Variants in UBE3D observed in about 807,000 individuals in gnomAD.
UBE3D encodes the protein ubiquitin protein ligase E3D.
Under a neutral mutation model 49.6 loss-of-function variants are expected in UBE3D, and 48 were observed. The observed-to-expected ratio is 0.97, with a 90% CI of 0.77 to 1.23. UBE3D has a LOEUF of 1.23. UBE3D is among the 50% of genes most tolerant of loss of function. The pLI is 0.00. For missense variants in UBE3D, 452 were observed against 468.4 expected, an observed-to-expected ratio of 0.96 and a Z score of 0.32; for synonymous variants, 189 against 174.2, an observed-to-expected ratio of 1.08 and a Z score of -0.67.
chr6:83,046,626 T>C (rs1453731180), intron 3 of UBE3D, among the ~76,000 whole-genome samples: 1 of 127,850 alleles, frequency 7.8e-6, no homozygotes, highest in Non-Finnish European at 1.6e-5. Flanking sequence ...AAGCACATGT[T>C]ATAAATGCTG....
chr6:83,002,663 C>T (rs570259874), intron 8 of UBE3D, among the ~76,000 whole-genome samples: 9 of 152,338 alleles, frequency 5.9e-5, no homozygotes, highest in East Asian at 3.9e-4. Flanking sequence ...CCAGCCTGGG[C>T]GACAGAGTGA....
At chr6:82,981,572 A>AT (rs1253363520) in intron 8 of UBE3D, among the ~76,000 whole-genome samples, 2 of 151,846 alleles carry the variant, frequency 1.3e-5, no homozygotes, top group African/African-American at 2.4e-5. Context: ...AAAAAAAAAA[A>AT]TTTAAATTTA....
At chr6:82,954,098 A>C (rs1775992021) in intron 9 of UBE3D, among the ~76,000 whole-genome samples, 1 of 152,222 alleles carries the variant, frequency 6.6e-6, no homozygotes, top group Admixed American at 6.5e-5. Context: ...AGGCAGGGCC[A>C]AGATGTTCCC....
chr6:82,892,027 G>A (rs572220853), downstream of UBE3D, among the ~76,000 whole-genome samples: 4 of 150,312 alleles, frequency 2.7e-5, no homozygotes, highest in Middle Eastern at 3.2e-3. Context: ...AAAAAAAAAA[G>A]TGTTAGAAAA....
intron 8 of UBE3D, among the ~76,000 whole-genome samples, chr6:82,980,704 T>C (rs1778056589): frequency 6.6e-6 from 1 of 152,106 alleles, no homozygotes; most frequent in South Asian, 2.1e-4. Context: ...TTTATAGTTT[T>C]AGGTCTTACA....
intron 8 of UBE3D, among the ~76,000 whole-genome samples, chr6:83,008,474 T>A (rs1227391550): frequency 6.6e-6 from 1 of 152,136 alleles, no homozygotes; most frequent in Non-Finnish European, 1.5e-5. Context: ...CTCACCAAGA[T>A]GTGAAACGCT....
chr6:82,913,784 C>T (rs1333717643), intron 9 of UBE3D, among the ~76,000 whole-genome samples: 1 of 152,192 alleles, frequency 6.6e-6, no homozygotes, highest in African/African-American at 2.4e-5. Flanking sequence ...ATGATTCAAA[C>T]TTAACAGCAG....
At chr6:83,027,458 A>AAAAAAAAAAAAAAAAAAAAAC (rs571635643) in intron 5 of UBE3D, among the ~76,000 whole-genome samples, 1 of 147,466 alleles carries the variant, frequency 6.8e-6, no homozygotes, top group Non-Finnish European at 1.5e-5. Context: ...AAAAAAAAAA[A>AAAAAAAAAAAAAAAAAAAAAC]AAAGAAACCA....
chr6:82,994,004 C>T (rs1345946841), intron 8 of UBE3D, among the ~76,000 whole-genome samples: 2 of 152,126 alleles, frequency 1.3e-5, no homozygotes, highest in Non-Finnish European at 1.5e-5. Context: ...AGTAAAGGTA[C>T]TATTTGAAAT....
intron 9 of UBE3D, among the ~76,000 whole-genome samples, chr6:82,905,812 C>T (rs1433345909): frequency 6.6e-6 from 1 of 152,086 alleles, no homozygotes; most frequent in Non-Finnish European, 1.5e-5. Flanking sequence ...CTGTAGTGTA[C>T]TTAACTGGTT....
intron 8 of UBE3D, among the ~76,000 whole-genome samples, chr6:82,962,814 C>T (rs186488549): frequency 6.6e-6 from 1 of 152,042 alleles, no homozygotes; most frequent in Admixed American, 6.6e-5. Context: ...TTAATTCCAC[C>T]CAAAGAGATT....
intron 8 of UBE3D, among the ~76,000 whole-genome samples, chr6:83,015,227 C>G (rs1780617656): frequency 6.6e-6 from 1 of 152,176 alleles, no homozygotes; most frequent in African/African-American, 2.4e-5. Context: ...CTTCACAAAG[C>G]ATTGGTCAAG....
At chr6:82,952,526 G>T (rs1180926326) in intron 9 of UBE3D, among the ~76,000 whole-genome samples, 1 of 152,014 alleles carries the variant, frequency 6.6e-6, no homozygotes, top group East Asian at 1.9e-4. Context: ...CAGGGCTCAA[G>T]CAATCCTCCT....
chr6:83,049,052 A>G (rs1160571386), intron 3 of UBE3D, among the ~76,000 whole-genome samples: 1 of 152,202 alleles, frequency 6.6e-6, no homozygotes, highest in Admixed American at 6.5e-5. Context: ...ATGAGCATAA[A>G]CTTTTAGAAA....
At chr6:83,054,285 A>T in intron 2 of UBE3D, 47 bp from the exon 3 acceptor site, 1 of 1,418,854 alleles carries the variant, frequency 7.0e-7, no homozygotes, top group Non-Finnish European at 1.0e-6. Flanking sequence ...TGAAACAAAT[A>T]TATTAACATA....
chr6:82,968,130 A>C (rs1777081422), intron 8 of UBE3D, among the ~76,000 whole-genome samples: 1 of 152,186 alleles, frequency 6.6e-6, no homozygotes, highest in African/African-American at 2.4e-5. Context: ...CCAGGATAAA[A>C]GGCCCCAAAA....
At chr6:82,982,547 T>C (rs1778185307) in intron 8 of UBE3D, among the ~76,000 whole-genome samples, 1 of 152,072 alleles carries the variant, frequency 6.6e-6, no homozygotes, top group Non-Finnish European at 1.5e-5. Flanking sequence ...ATTTTGCCAG[T>C]TGCAACATTA....
At chr6:82,895,946 A>C (rs1771286515) in intron 9 of UBE3D, among the ~76,000 whole-genome samples, 1 of 152,238 alleles carries the variant, frequency 6.6e-6, no homozygotes, top group African/African-American at 2.4e-5. Flanking sequence ...AGCTGATTAA[A>C]TTAAATAATG....
At position 83,044,703 on chromosome 6, in the gene UBE3D, A is replaced by G. The variant is rs763084935; in HGVS notation, c.366-44T>C. ...ATCATTTTTCACAGAACAAAATGAT[A>G]CTAACATTTTCTTAATTAAATGACC... On this transcript the variant is annotated intron_variant, in intron 3 of 9. Transcript: ENST00000369747. 8.4e-6 allele frequency: 12 copies of G among 1,433,474 alleles called. 1 individual carries two copies. The South Asian group carries it at 1.5e-4, about 17-fold the overall frequency. The allele number at this position is 1,433,474 out of a possible 1,614,324, so 88.8% of individuals were successfully genotyped here. A position where few individuals can be genotyped will look rare whatever the true frequency, so the allele number is the denominator to read the frequency against.
Sources: allele counts gnomAD v4.1 joint callset (sites outside exome capture counted in the v4.1 genomes callset), GRCh38; gene constraint gnomAD v4.1.1; transcripts MANE v1.5; gene names NCBI Gene and HGNC (gene_info 2026-07-23, HGNC 2026-07-21).